The following RAPGEF5 variants were observed in gnomAD, a reference collection of about 807,000 sequenced individuals.
RAPGEF5 encodes the protein M-Ras-regulated GEF.
Under a neutral mutation model 125.2 loss-of-function variants are expected in RAPGEF5, and 65 were observed. The observed-to-expected ratio is 0.52, with a 90% CI of 0.43 to 0.64. RAPGEF5 has a LOEUF of 0.64. Among genes scored for constraint, RAPGEF5 ranks in the 30% least tolerant of loss-of-function variants. RAPGEF5 has a pLI of 0.00. For synonymous variants in RAPGEF5, 391 were observed against 385.9 expected, an observed-to-expected ratio of 1.01 and a Z score of -0.16; for missense variants, 958 against 1,048.1, an observed-to-expected ratio of 0.91 and a Z score of 1.19.
intron 1 of RAPGEF5, among the ~76,000 whole-genome samples, chr7:22,326,807 T>C (rs936470957): frequency 5.9e-5 from 9 of 152,222 alleles, no homozygotes; most frequent in African/African-American, 2.2e-4. Context: ...AAAGCACCTA[T>C]GGTTAACAAC....
At chr7:22,232,160 A>C (rs1786073790) in intron 7 of RAPGEF5, among the ~76,000 whole-genome samples, 1 of 152,204 alleles carries the variant, frequency 6.6e-6, no homozygotes, top group Non-Finnish European at 1.5e-5. Flanking sequence ...AAGGAGAAGC[A>C]ATCAAGGATG....
chr7:22,278,498 CA>C (rs979337609), intron 6 of RAPGEF5, among the ~76,000 whole-genome samples: 57 of 151,848 alleles, frequency 3.8e-4, no homozygotes, highest in African/African-American at 1.4e-3. Context: ...AGAAAATGAA[CA>C]AAAGTAGATG....
At chr7:22,330,218 G>T (rs1583583172) in intron 1 of RAPGEF5, among the ~76,000 whole-genome samples, 1 of 152,208 alleles carries the variant, frequency 6.6e-6, no homozygotes, top group East Asian at 1.9e-4. Flanking sequence ...ATGGATGGGG[G>T]AAAGTGAGTT....
At position 22,193,409 on chromosome 7, in the gene RAPGEF5, A is replaced by G; in HGVS notation, c.1162T>C (p.Leu388=). The part of the protein sequence containing the change: ...GTPEKILEHL[L]NDLHLEEVQD... Reference sequence around the variant, plus strand: ...ACTTCTTCCAGGTGCAAGTCATTCAAAAGGTGCTCCAAAATCTTCTCCGGG... The same window carrying G: ...ACTTCTTCCAGGTGCAAGTCATTCAGAAGGTGCTCCAAAATCTTCTCCGGG... Residue 388 remains leucine, a synonymous_variant, in exon 11 of 26, where the codon TTG becomes CTG. Coordinates refer to ENST00000665637, the MANE Select transcript of RAPGEF5 (RefSeq NM_012294.5). 6.3e-7 allele frequency: 1 copy of G among 1,597,506 alleles called. No homozygotes were observed. Among genetic ancestry groups the G allele is most frequent in the Non-Finnish European group, 8.5e-7 (1 of 1,171,582 alleles).
At chr7:22,279,992 AGTTGGGTATAG>A (rs1782638819) in intron 6 of RAPGEF5, among the ~76,000 whole-genome samples, 1 of 152,138 alleles carries the variant, frequency 6.6e-6, no homozygotes, top group African/African-American at 2.4e-5. Flanking sequence ...GCCAGTAGAG[AGTTGGGTATAG>A]GTCATTTTGG....
intron 5 of RAPGEF5, chr7:22,298,449 G>T (rs1293011001): frequency 6.6e-6 from 1 of 152,188 alleles, no homozygotes; most frequent in Admixed American, 6.5e-5. Flanking sequence ...AAAGTGTAGG[G>T]ATTACAGGCA....
Position 22,342,707 on chromosome 7 carries a change from G to A in RAPGEF5, c.231+14123C>T, listed in dbSNP as rs1784152013. 2.0e-5 allele frequency among the ~76,000 whole-genome samples: 3 copies of A among 152,154 alleles called. No individual in the cohort carries two copies. In the East Asian group the frequency reaches 5.8e-4, roughly 29 times the overall value. ...AGTTCCACAAATCTCTAGGACAGGGGCAAAATGCCACCAGTTCTTTGCTAA... is the reference window on the plus strand; with the variant it reads ...AGTTCCACAAATCTCTAGGACAGGGACAAAATGCCACCAGTTCTTTGCTAA... On this transcript the variant is annotated intron_variant, in intron 1 of 25. Transcript: ENST00000665637.
intron 7 of RAPGEF5, among the ~76,000 whole-genome samples, chr7:22,266,055 G>T (rs1223387478): frequency 6.6e-6 from 1 of 152,078 alleles, no homozygotes; most frequent in African/African-American, 2.4e-5. Flanking sequence ...AAGGTATTTT[G>T]GTTCAAATAG....
rs866376708 is a variant in RAPGEF5 at position 22,357,013 on chromosome 7, G to T, written c.48C>A (p.Ser16Arg). 4.4e-5 allele frequency: 45 copies of T among 1,027,518 alleles called. 1 individual carries two copies. Among genetic ancestry groups the T allele is most frequent in the Admixed American group, 2.9e-4 (5 of 17,310 alleles). The allele number at this position is 1,027,518 out of a possible 1,614,324, so 63.7% of individuals were successfully genotyped here. The change falls in exon 1 of 26, where the codon AGC becomes AGA. Residue 16 changes from serine to arginine, a missense_variant. By Grantham distance (110) the Ser-to-Arg change is moderately radical (BLOSUM62 -1). Transcript: ENST00000665637. ...GSVKMQPPCE[S>R]PALAAAAAVV... is the part of the protein sequence containing the mutation. ...CCGCCGCCGCGGCGGCCAGGGCCGGGCTCTCGCACGGCGGCTGCATCTTGA... is the reference window on the plus strand; with the variant it reads ...CCGCCGCCGCGGCGGCCAGGGCCGGTCTCTCGCACGGCGGCTGCATCTTGA...
intron 1 of RAPGEF5, among the ~76,000 whole-genome samples, chr7:22,327,804 A>G (rs529677491): frequency 6.6e-6 from 1 of 152,340 alleles, no homozygotes; most frequent in African/African-American, 2.4e-5. Context: ...AGAGACACCT[A>G]AAGAGCTTAT....
Position 22,148,558 on chromosome 7 carries a change from G to T in RAPGEF5, c.1885-1539C>A, listed in dbSNP as rs115254042. On this transcript the variant is annotated intron_variant, in intron 18 of 25. Coordinates refer to ENST00000665637, the MANE Select transcript of RAPGEF5 (RefSeq NM_012294.5). ...ATTTTAACTGACATCTTTTGGTGAT[G>T]AAATATCTAAATCTATGATTCCAGT... is the stretch of plus-strand genomic sequence containing the variant. Among the ~76,000 whole-genome samples, 725 of 152,318 alleles carry T rather than the reference G, an allele frequency of 4.8e-3. 6 individuals carry two copies. Among genetic ancestry groups the T allele is most frequent in the African/African-American group, 0.017 (696 of 41,568 alleles).
chr7:22,290,986 T>C (rs1334144012), intron 6 of RAPGEF5, among the ~76,000 whole-genome samples, 189 bp downstream of exon 6: 1 of 152,126 alleles, frequency 6.6e-6, no homozygotes, highest in Non-Finnish European at 1.5e-5. Context: ...TATGATCTCA[T>C]GAAGGGAGGC....
chr7:22,343,004 A>G (rs536489083), intron 1 of RAPGEF5, among the ~76,000 whole-genome samples: 1 of 152,228 alleles, frequency 6.6e-6, no homozygotes, highest in Admixed American at 6.5e-5. Context: ...ACTGGTATCA[A>G]TTTACTGTAT....
At chr7:22,235,044 A>C (rs73683333) in intron 7 of RAPGEF5, among the ~76,000 whole-genome samples, 6,649 of 152,192 alleles carry the variant, frequency 0.044, 494 homozygotes, top group African/African-American at 0.15. Context: ...AAAATCAACC[A>C]ACCCATTTCT....
chr7:22,352,698 G>T (rs570952535), intron 1 of RAPGEF5, among the ~76,000 whole-genome samples: 1 of 152,266 alleles, frequency 6.6e-6, no homozygotes, highest in South Asian at 2.1e-4. Flanking sequence ...GATTGTTAAA[G>T]CACCAAATCA....
chr7:22,294,615 G>T (rs1047775981), intron 5 of RAPGEF5, among the ~76,000 whole-genome samples: 3 of 152,094 alleles, frequency 2.0e-5, no homozygotes, highest in Admixed American at 6.5e-5. Flanking sequence ...CACCTTAATT[G>T]ATGGAAACTC....
chr7:22,157,756 C>T (rs1562725749), intron 15 of RAPGEF5, 99 bp downstream of exon 15: 22 of 1,333,024 alleles, frequency 1.7e-5, no homozygotes, highest in South Asian at 3.6e-5. Flanking sequence ...GTGTTCTGCT[C>T]GAGGCAGTAT....
At chr7:22,186,516 A>G (rs963038660) in intron 11 of RAPGEF5, among the ~76,000 whole-genome samples, 4 of 152,198 alleles carry the variant, frequency 2.6e-5, no homozygotes, top group Admixed American at 6.5e-5. Context: ...CTAATATACA[A>G]TATTTTCCTA....
chr7:22,272,342 C>CAA (rs1282857477), intron 6 of RAPGEF5, among the ~76,000 whole-genome samples: 90 of 35,254 alleles, frequency 2.6e-3, no homozygotes, highest in South Asian at 5.3e-3. Flanking sequence ...GACTCCGTCT[C>CAA]AAAAAAAAAA....
Sources: gnomAD v4.1 joint callset for allele counts (sites outside exome capture counted in the v4.1 genomes callset) on GRCh38, gnomAD v4.1.1 for gene constraint, MANE v1.5 for transcripts, NCBI Gene and HGNC (gene_info 2026-07-23, HGNC 2026-07-21) for gene names.